MTUS1: variants seen among roughly 807,000 people sequenced by gnomAD.
The protein encoded by MTUS1 is microtubule associated scaffold protein 1, also known as microtubule-associated tumor suppressor 1.
MTUS1 carries 109 observed loss-of-function variants against 120.8 expected under a neutral mutation model. The observed-to-expected ratio is 0.90, with a 90% CI of 0.77 to 1.06. The LOEUF is 1.06. MTUS1 is among the 50% of genes least tolerant of loss of function. MTUS1 has a pLI of 0.00. For synonymous variants in MTUS1, 737 were observed against 550.5 expected (o/e 1.34, Z -4.74); for missense variants, 2,210 against 1,486.3 (o/e 1.49, Z -8.01).
rs570948354 is a variant in MTUS1, at chr8:17,775,640, A to T, written c.-154-19679T>A. Among the ~76,000 whole-genome samples, 47 of 152,364 alleles carry T rather than the reference A, an allele frequency of 3.1e-4. No individual in the cohort carries two copies. The South Asian group carries it at 9.1e-3, about 30-fold the overall frequency. On this transcript the variant is annotated intron_variant, in intron 1 of 14. Transcript: ENST00000693296. ...TTAACTATCATAAAAGAGACATTATATCATAGAAGAGTAAAATTATCATAG... is the reference window on the plus strand; with the variant it reads ...TTAACTATCATAAAAGAGACATTATTTCATAGAAGAGTAAAATTATCATAG...
rs2050969793 is a variant in MTUS1, at chr8:17,782,732, G to A, written c.-155+18329C>T. On this transcript the variant is annotated intron_variant, in intron 1 of 14. Coordinates refer to ENST00000693296, the MANE Select transcript of MTUS1 (RefSeq NM_001363059.2). The stretch of plus-strand genomic sequence containing the variant: ...TCTTTTCTGAAACCACAAGTCTACA[G>A]TGTAAAAAATGTTTCATTCCCAGGT... 2.6e-5 allele frequency among the ~76,000 whole-genome samples: 4 copies of A among 152,152 alleles called. No individual in the cohort carries two copies. The South Asian group carries it at 8.3e-4, about 32-fold the overall frequency.
At chr8:17,727,377 G>C (rs570126787) in intron 3 of MTUS1, among the ~76,000 whole-genome samples, 1 of 152,026 alleles carries the variant, frequency 6.6e-6, no homozygotes, top group South Asian at 2.1e-4. Flanking sequence ...GTGTTCCCTC[G>C]GCCATGCCAC....
intron 1 of MTUS1, among the ~76,000 whole-genome samples, chr8:17,782,495 G>C (rs370909303): frequency 3.3e-5 from 5 of 152,026 alleles, no homozygotes; most frequent in African/African-American, 1.2e-4. Context: ...ATATTTGATT[G>C]GTTTTTCCAT....
intron 3 of MTUS1, among the ~76,000 whole-genome samples, chr8:17,726,845 CAG>C (rs2131141551): frequency 6.6e-6 from 1 of 152,304 alleles, no homozygotes; most frequent in South Asian, 2.1e-4. Flanking sequence ...GGGCACGTAA[CAG>C]ATCAAAATGA....
intron 1 of MTUS1, among the ~76,000 whole-genome samples, chr8:17,782,409 T>C (rs1468627426): frequency 6.6e-6 from 1 of 152,196 alleles, no homozygotes; most frequent in Non-Finnish European, 1.5e-5. Context: ...CCTAAAACTA[T>C]ACATTATCTT....
intron 13 of MTUS1, 121 bp from the exon 14 acceptor site, chr8:17,647,200 A>G: frequency 1.4e-6 from 1 of 707,454 alleles, no homozygotes. Context: ...GCAATTCCAT[A>G]TTAAAATATT....
At chr8:17,647,461 A>G (rs1183021041) in intron 13 of MTUS1, among the ~76,000 whole-genome samples, 1 of 151,450 alleles carries the variant, frequency 6.6e-6, no homozygotes. Flanking sequence ...TTTGCTGGAA[A>G]AAAAAAAAAA....
intron 3 of MTUS1, among the ~76,000 whole-genome samples, chr8:17,735,845 T>A (rs199520210): frequency 6.6e-6 from 1 of 152,220 alleles, no homozygotes. Flanking sequence ...TCTATCCTTA[T>A]GGATTTCACC....
At chr8:17,665,884 A>G (rs149045741) in intron 8 of MTUS1, among the ~76,000 whole-genome samples, 49 of 152,250 alleles carry the variant, frequency 3.2e-4, no homozygotes, top group African/African-American at 1.1e-3. Flanking sequence ...TAGTGCTGAC[A>G]AAGTGTGACT....
chr8:17,795,685 G>C (rs2052166646), intron 1 of MTUS1, among the ~76,000 whole-genome samples: 1 of 152,186 alleles, frequency 6.6e-6, no homozygotes, highest in South Asian at 2.1e-4. Context: ...TGTCACCCAG[G>C]CTAGAGGGCA....
chr8:17,776,006 C>T (rs1371340221), intron 1 of MTUS1, among the ~76,000 whole-genome samples: 1 of 152,282 alleles, frequency 6.6e-6, no homozygotes, highest in Admixed American at 6.5e-5. Flanking sequence ...GGAATATTCC[C>T]AGTCAAAGCC....
intron 13 of MTUS1, 33 bp from the exon 14 acceptor site, chr8:17,647,112 A>C (rs963395897): frequency 1.3e-6 from 2 of 1,545,164 alleles, no homozygotes; most frequent in Non-Finnish European, 1.8e-6. Context: ...ACATTTATAC[A>C]ATATTAAAAA....
chr8:17,694,419 A>G (rs1005204611), intron 6 of MTUS1, among the ~76,000 whole-genome samples: 12 of 152,184 alleles, frequency 7.9e-5, no homozygotes, highest in African/African-American at 2.7e-4. Context: ...TAATCCCAGC[A>G]CTTTGGGAGG....
intron 2 of MTUS1, among the ~76,000 whole-genome samples, chr8:17,747,602 C>T (rs922004024): frequency 6.6e-6 from 1 of 152,170 alleles, no homozygotes; most frequent in African/African-American, 2.4e-5. Context: ...CTAATTAGTT[C>T]TTTCTGAATA....
chr8:17,662,686 T>C (rs1423786697), intron 8 of MTUS1, among the ~76,000 whole-genome samples: 1 of 151,956 alleles, frequency 6.6e-6, no homozygotes, highest in African/African-American at 2.4e-5. Context: ...TAGTCTATTT[T>C]TTAAAAAAGC....
At position 17,655,264 on chromosome 8, in the gene MTUS1, G is replaced by C. The variant is rs1303520086; in HGVS notation, c.3109-598C>G. On this transcript the variant is annotated intron_variant, in intron 9 of 14. Transcript: ENST00000693296. ...TATTTTATTCAGTGAAAAAAAAAAT[G>C]GGATATTTAAACAGATGCCACTAAA... is the stretch of plus-strand genomic sequence containing the variant. 2.8e-5 allele frequency among the ~76,000 whole-genome samples: 4 copies of C among 144,196 alleles called. No individual in the cohort carries two copies. The Admixed American group carries it at 2.8e-4, about 10-fold the overall frequency. The allele number at this position is 144,196 out of a possible 152,430, so 94.6% of individuals were successfully genotyped here. A position where few individuals can be genotyped will look rare whatever the true frequency, so the allele number is the denominator to read the frequency against.
At chr8:17,708,430 T>G (rs1417423766) in intron 6 of MTUS1, among the ~76,000 whole-genome samples, 1 of 152,072 alleles carries the variant, frequency 6.6e-6, no homozygotes, top group Non-Finnish European at 1.5e-5. Flanking sequence ...ATAGCTATAA[T>G]AAAAAAGACA....
At chr8:17,697,597 A>G in intron 6 of MTUS1, 1 of 1,320,720 alleles carries the variant, frequency 7.6e-7, no homozygotes, top group Admixed American at 3.3e-5. Flanking sequence ...GATGTTGCCA[A>G]AATGATGCTC....
At chr8:17,684,229 C>G in intron 7 of MTUS1, 99 bp downstream of exon 7, 1 of 830,862 alleles carries the variant, frequency 1.2e-6, no homozygotes. Context: ...TCTTTCCCAT[C>G]ATTTACCTAG....
Sources: allele counts gnomAD v4.1 joint callset (sites outside exome capture counted in the v4.1 genomes callset), GRCh38; gene constraint gnomAD v4.1.1; transcripts MANE v1.5; gene names NCBI Gene and HGNC (gene_info 2026-07-23, HGNC 2026-07-21).